The following DMXL2 variants were observed in gnomAD, a reference collection of about 807,000 sequenced individuals.
DMXL2 encodes Dmx like 2, also known as dmX-like protein 2.
DMXL2 carries 103 observed loss-of-function variants against 331.1 expected under a neutral mutation model. The observed-to-expected ratio is 0.31, with a 90% confidence interval of 0.27 to 0.37. The LOEUF is 0.37. DMXL2 is among the 10% of genes least tolerant of loss of function. The probability of loss-of-function intolerance (pLI) is 1.00; values close to 1 mark genes in which losing one functional copy is unlikely to be tolerated. For synonymous variants in DMXL2, 1,281 were observed against 1,252.1 expected, an observed-to-expected ratio of 1.02 and a Z score of -0.49; for missense variants, 3,171 against 3,642.9, an observed-to-expected ratio of 0.87 and a Z score of 3.33.
intron 13 of DMXL2, among the ~76,000 whole-genome samples, chr15:51,524,965 A>G (rs2090356): frequency 1 from 151,484 of 151,668 alleles, 75,650 homozygotes; most frequent in Middle Eastern, 1. Flanking sequence ...AGGCTGTACA[A>G]CTCACGGCTC....
intron 1 of DMXL2, among the ~76,000 whole-genome samples, chr15:51,600,646 T>C (rs946036674): frequency 6.6e-5 from 10 of 152,234 alleles, no homozygotes. Context: ...GTAGCTCACC[T>C]GACCAACACA....
chr15:51,614,093 C>A (rs762823457), intron 1 of DMXL2, among the ~76,000 whole-genome samples: 1 of 152,118 alleles, frequency 6.6e-6, no homozygotes, highest in Admixed American at 6.6e-5. Flanking sequence ...AAGGGTGGGG[C>A]CCTATAAGAC....
At chr15:51,506,593 A>G (rs1247611526) in intron 16 of DMXL2, among the ~76,000 whole-genome samples, 1 of 151,734 alleles carries the variant, frequency 6.6e-6, no homozygotes, top group African/African-American at 2.4e-5. Context: ...AGCTGGGACT[A>G]CAGGCGCCCG....
chr15:51,465,567 A>G lies in DMXL2; in HGVS notation c.7605T>C (p.Ser2535=). 6.3e-7 allele frequency: 1 copy of G among 1,588,714 alleles called. No homozygotes were observed. Among genetic ancestry groups the G allele is most frequent in the East Asian group, 2.2e-5 (1 of 44,490 alleles). ...TTAATTTTTAAATTCCAAACTCACCAGAGAATTCCAGTCCAGCAATAGGAA... is the reference window on the plus strand; with the variant it reads ...TTAATTTTTAAATTCCAAACTCACCGGAGAATTCCAGTCCAGCAATAGGAA... ...NFFPIAGLEF[S]ELPVTSPLGI... Residue 2535 remains serine, a splice_region_variant and synonymous_variant, in exon 31 of 44, where the codon TCT becomes TCC. Transcript: ENST00000560891.
At chr15:51,538,692 T>C (rs889772908) in intron 9 of DMXL2, among the ~76,000 whole-genome samples, 2 of 152,194 alleles carry the variant, frequency 1.3e-5, no homozygotes, top group African/African-American at 4.8e-5. Flanking sequence ...CAACCTTCAG[T>C]GAATTCCAGT....
intron 1 of DMXL2, among the ~76,000 whole-genome samples, chr15:51,593,868 G>A (rs7402910): frequency 4.6e-5 from 7 of 152,214 alleles, no homozygotes; most frequent in Admixed American, 4.6e-4. Context: ...TGAAACCAAT[G>A]AGAACAAAGA....
At chr15:51,609,947 ACTAT>A (rs2053848492) in intron 1 of DMXL2, among the ~76,000 whole-genome samples, 1 of 151,762 alleles carries the variant, frequency 6.6e-6, no homozygotes, top group African/African-American at 2.4e-5. Flanking sequence ...AAAAAAAAAA[ACTAT>A]CTAGGTTTGT....
At chr15:51,495,380 G>A (rs1000010664) in intron 18 of DMXL2, among the ~76,000 whole-genome samples, 1 of 151,910 alleles carries the variant, frequency 6.6e-6, no homozygotes, top group African/African-American at 2.4e-5. Flanking sequence ...TAGATAACAA[G>A]AACATTTATA....
Position 51,491,658 on chromosome 15 carries a change from G to T in DMXL2, c.4873C>A (p.Pro1625Thr). The change falls in exon 20 of 44, where the codon CCC becomes ACC. Residue 1625 changes from proline to threonine, a missense_variant. Physicochemically the swap from Pro to Thr is conservative, Grantham distance 38 (BLOSUM62 -1). Around this residue, in one of 7 missense-constraint regions of DMXL2, gnomAD observed 252 missense variants for 387.4 expected, o/e 0.65. Coordinates refer to ENST00000560891, the MANE Select transcript of DMXL2 (RefSeq NM_001378457.1). ...NMIPAIQRGD[P>T]QWSELRAMGI... ...ATAGCTCTTAATTCAGACCACTGGG[G>T]GTCCCCTCTCTGAATTGCTGGAATC... 6.2e-7 allele frequency: 1 copy of T among 1,613,276 alleles called. No homozygotes were observed. Among genetic ancestry groups the T allele is most frequent in the Non-Finnish European group, 8.5e-7 (1 of 1,179,658 alleles).
At chr15:51,494,850 G>A (rs1412657294) in intron 19 of DMXL2, among the ~76,000 whole-genome samples, 174 bp downstream of exon 19, 2 of 152,142 alleles carry the variant, frequency 1.3e-5, no homozygotes, top group African/African-American at 4.8e-5. Flanking sequence ...ACAGAATAGA[G>A]CTGAAGGATA....
At position 51,538,444 on chromosome 15, in the gene DMXL2, T is replaced by C. The variant is rs143811213; in HGVS notation, c.1114A>G (p.Asn372Asp). The C allele has an allele frequency of 5.7e-6, 9 of 1,592,208 alleles. No individual in the cohort carries two copies. The highest frequency in any genetic ancestry group is 1.4e-5 in the African/African-American group (1 of 73,908). ...TTAAATGCAGTGCCAACCAAGACATTTGGAATATCTGTGGAAATAAAAGAG... is the reference window on the plus strand; with the variant it reads ...TTAAATGCAGTGCCAACCAAGACATCTGGAATATCTGTGGAAATAAAAGAG... ...ASINPATDIP[N>D]VLVGTAFNVD... Residue 372 changes from asparagine to aspartate, a missense_variant, in exon 10 of 44, where the codon AAT becomes GAT. Transcript: ENST00000560891.
chr15:51,505,908 T>G (rs2046370034), intron 16 of DMXL2, among the ~76,000 whole-genome samples: 1 of 152,244 alleles, frequency 6.6e-6, no homozygotes, highest in Non-Finnish European at 1.5e-5. Flanking sequence ...ATGCAGTTCT[T>G]CATTTTAACA....
rs1366543971 is a variant in DMXL2, at chr15:51,605,223, C to T, written c.87+17236G>A. On this transcript the variant is annotated intron_variant, in intron 1 of 43. Transcript: ENST00000560891. Reference sequence around the variant, plus strand: ...TATAAATATATGTATTTTTTTTAAACAGCGTCTCACTCTGTCACTCAGGCT... The same window carrying T: ...TATAAATATATGTATTTTTTTTAAATAGCGTCTCACTCTGTCACTCAGGCT... Among the ~76,000 whole-genome samples, 6 of 151,998 alleles carry T rather than the reference C, an allele frequency of 3.9e-5. No individual in the cohort carries two copies. In the South Asian group the frequency reaches 1.2e-3, roughly 32 times the overall value.
chr15:51,529,373 A>G (rs1354373565), intron 13 of DMXL2, among the ~76,000 whole-genome samples: 1 of 152,108 alleles, frequency 6.6e-6, no homozygotes, highest in Non-Finnish European at 1.5e-5. Flanking sequence ...AGACTAAGAA[A>G]AAGAAAGAAA....
intron 1 of DMXL2, among the ~76,000 whole-genome samples, chr15:51,611,706 T>G (rs1019689121): frequency 6.6e-6 from 1 of 152,170 alleles, no homozygotes; most frequent in Non-Finnish European, 1.5e-5. Context: ...TCCCCATCTA[T>G]GAAATTGAGA....
rs763620718 is a variant in DMXL2 at position 51,495,137 on chromosome 15, G to A, written c.4673-3C>T. 1.3e-6 allele frequency: 2 copies of A among 1,596,904 alleles called. No individual in the cohort carries two copies. Among genetic ancestry groups the A allele is most frequent in the Admixed American group, 1.7e-5 (1 of 59,636 alleles). On this transcript the variant is annotated splice_region_variant and splice_polypyrimidine_tract_variant and intron_variant, in intron 18 of 43. Coordinates refer to ENST00000560891, the MANE Select transcript of DMXL2 (RefSeq NM_001378457.1). ...ACACTCATCTAATGTATCTCTTCCTGTAATTTAAACAGGAAATATGTTTAA... is the reference window on the plus strand; with the variant it reads ...ACACTCATCTAATGTATCTCTTCCTATAATTTAAACAGGAAATATGTTTAA...
chr15:51,586,137 T>G (rs1021972744), intron 1 of DMXL2, among the ~76,000 whole-genome samples: 4 of 152,126 alleles, frequency 2.6e-5, no homozygotes, highest in African/African-American at 9.7e-5. Context: ...AAAAAGGAAC[T>G]AGACAGTATG....
At position 51,502,834 on chromosome 15, in the gene DMXL2, A is replaced by G; in HGVS notation, c.2964T>C (p.Val988=). The G allele has an allele frequency of 6.2e-7, 1 of 1,614,102 alleles. No homozygotes were observed. Among genetic ancestry groups the G allele is most frequent in the South Asian group, 1.1e-5 (1 of 91,078 alleles). Residue 988 remains valine, a synonymous_variant, in exon 17 of 44, where the codon GTT becomes GTC. Coordinates refer to ENST00000560891, the MANE Select transcript of DMXL2 (RefSeq NM_001378457.1). ...CTGAAGGCGTTGCTCTTATTACTTC[A>G]ACTGATTCTGGGAGATCAAGGGGTT... The part of the protein sequence containing the change: ...YSQPLDLPES[V]EVIRATPSAG...
intron 6 of DMXL2, among the ~76,000 whole-genome samples, chr15:51,547,899 T>C (rs2048975592): frequency 6.6e-6 from 1 of 152,160 alleles, no homozygotes; most frequent in East Asian, 1.9e-4. Flanking sequence ...GTAAATAAGT[T>C]AGGCTTTGTG....
Sources: gnomAD v4.1 joint callset for allele counts (sites outside exome capture counted in the v4.1 genomes callset) on GRCh38, gnomAD v4.1.1 for gene constraint, gnomAD v4.1.1 regional missense constraint, MANE v1.5 for transcripts, NCBI Gene and HGNC (gene_info 2026-07-23, HGNC 2026-07-21) for gene names.